Variants in HPSE2 observed in about 807,000 individuals in gnomAD.
HPSE2 encodes the protein heparanase 2 (inactive).
In HPSE2, 38 loss-of-function variants were observed where a neutral mutation model predicts 60.5. The ratio of observed to expected loss-of-function variants is 0.63; its 90% confidence interval spans 0.48 to 0.82. The LOEUF (loss-of-function observed/expected upper bound fraction) is 0.82, where lower values mean the gene tolerates loss of function less well. Among genes scored for constraint, HPSE2 ranks in the 40% least tolerant of loss-of-function variants. The pLI is 0.00. For synonymous variants in HPSE2, 295 were observed against 293.2 expected (o/e 1.01, Z -0.06); for missense variants, 713 against 740.4 (o/e 0.96, Z 0.43).
At chr10:99,063,815 G>A (rs997214558) in intron 3 of HPSE2, among the ~76,000 whole-genome samples, 12 of 152,098 alleles carry the variant, frequency 7.9e-5, no homozygotes, top group East Asian at 5.8e-4. Flanking sequence ...CTGGAAGGCC[G>A]GGCGCAGTGG....
chr10:99,013,029 A>C, intron 3 of HPSE2: 1 of 431,852 alleles, frequency 2.3e-6, no homozygotes, highest in Middle Eastern at 7.0e-4. Context: ...CTAAATCTTT[A>C]ATTGCTGCAG....
intron 9 of HPSE2, among the ~76,000 whole-genome samples, chr10:98,600,475 C>G (rs188803567): frequency 5.9e-5 from 9 of 152,208 alleles, no homozygotes; most frequent in African/African-American, 1.9e-4. Context: ...CTCAGTTCCT[C>G]TTTCACTCAT....
intron 3 of HPSE2, among the ~76,000 whole-genome samples, chr10:98,865,476 T>G (rs1952565319): frequency 6.6e-6 from 1 of 152,062 alleles, no homozygotes. Context: ...TTTTCTGCAT[T>G]GAGAGAGTTT....
chr10:99,195,374 C>T (rs77232158), intron 2 of HPSE2, among the ~76,000 whole-genome samples: 3,321 of 149,962 alleles, frequency 0.022, 113 homozygotes, highest in East Asian at 0.16. Context: ...AGCAATAAGA[C>T]GAGAAAAAAA....
intron 9 of HPSE2, among the ~76,000 whole-genome samples, chr10:98,522,619 C>T (rs1206738664): frequency 6.6e-6 from 1 of 152,114 alleles, no homozygotes; most frequent in Non-Finnish European, 1.5e-5. Flanking sequence ...GGATTACAGG[C>T]GCCCACCACA....
intron 9 of HPSE2, among the ~76,000 whole-genome samples, chr10:98,608,276 T>C (rs764325556): frequency 6.6e-6 from 1 of 152,162 alleles, no homozygotes; most frequent in Non-Finnish European, 1.5e-5. Context: ...CTCATGTAAC[T>C]AGAAAATTGT....
At chr10:98,747,613 T>G (rs1457511419) in intron 3 of HPSE2, among the ~76,000 whole-genome samples, 28 of 152,208 alleles carry the variant, frequency 1.8e-4, no homozygotes, top group Admixed American at 1.8e-3. Context: ...TGGGAAATAC[T>G]TCTTTAAGAA....
rs1417219257 is a variant in HPSE2 at position 98,661,820 on chromosome 10, A to C, written c.1005-19880T>G. ...TCCAAGAGAACTCAATTTAAGTCTA[A>C]ACTCTTACACTATGCAGCTGTGTGG... On this transcript the variant is annotated intron_variant, in intron 6 of 11. Coordinates refer to ENST00000370552, the MANE Select transcript of HPSE2 (RefSeq NM_021828.5). 7.2e-5 allele frequency among the ~76,000 whole-genome samples: 11 copies of C among 152,322 alleles called. No individual in the cohort carries two copies. The East Asian group carries it at 1.5e-3, about 21-fold the overall frequency.
intron 6 of HPSE2, among the ~76,000 whole-genome samples, chr10:98,679,248 C>T (rs1242490620): frequency 6.6e-6 from 1 of 152,196 alleles, no homozygotes; most frequent in East Asian, 1.9e-4. Context: ...TCTACATCAG[C>T]AGTTCTCCAG....
At chr10:98,616,888 C>T (rs778052120) in intron 8 of HPSE2, among the ~76,000 whole-genome samples, 3 of 152,168 alleles carry the variant, frequency 2.0e-5, no homozygotes, top group Non-Finnish European at 4.4e-5. Flanking sequence ...ACAGGTTTAG[C>T]TTTTCCTTTA....
At chr10:98,851,085 T>C (rs1388099216) in intron 3 of HPSE2, among the ~76,000 whole-genome samples, 1 of 152,218 alleles carries the variant, frequency 6.6e-6, no homozygotes, top group Non-Finnish European at 1.5e-5. Flanking sequence ...TTTTTGAGAT[T>C]ATTCCACATA....
intron 3 of HPSE2, among the ~76,000 whole-genome samples, chr10:99,073,067 C>A (rs2135552694): frequency 6.6e-6 from 1 of 151,572 alleles, no homozygotes; most frequent in Admixed American, 6.6e-5. Flanking sequence ...GACGATGTGG[C>A]AATTCCTCAA....
At chr10:98,530,344 T>G (rs955014388) in intron 9 of HPSE2, among the ~76,000 whole-genome samples, 3 of 152,192 alleles carry the variant, frequency 2.0e-5, no homozygotes, top group East Asian at 3.9e-4. Context: ...CCAGAGGGCT[T>G]GTTAAAACCA....
At chr10:98,975,435 C>T (rs565800766) in intron 3 of HPSE2, among the ~76,000 whole-genome samples, 1 of 151,620 alleles carries the variant, frequency 6.6e-6, no homozygotes, top group Admixed American at 6.6e-5. Context: ...TTAAAGTATC[C>T]ATTATATGGA....
chr10:98,853,217 C>T (rs555592750), intron 3 of HPSE2, among the ~76,000 whole-genome samples: 1 of 152,284 alleles, frequency 6.6e-6, no homozygotes, highest in East Asian at 1.9e-4. Flanking sequence ...AGTACAACTT[C>T]CACTAAAAAT....
chr10:99,172,816 T>C (rs373431607), intron 2 of HPSE2, among the ~76,000 whole-genome samples: 22 of 152,048 alleles, frequency 1.4e-4, no homozygotes, highest in African/African-American at 5.1e-4. Flanking sequence ...AGGCGGAGGT[T>C]ACAGTGAGCC....
In HPSE2 at chr10:99,054,707, T is replaced by G. The variant is rs544583217; in HGVS notation, c.610+89531A>C. Among the ~76,000 whole-genome samples, 3 of 152,298 alleles carry G rather than the reference T, an allele frequency of 2.0e-5. No homozygotes were observed. In the South Asian group the frequency reaches 6.2e-4, roughly 32 times the overall value. ...CAACTACTCTACAATATTTATTGTT[T>G]TTTGTTTGTTTGTTCGTTTTTGAGA... On this transcript the variant is annotated intron_variant, in intron 3 of 11. Coordinates refer to ENST00000370552, the MANE Select transcript of HPSE2 (RefSeq NM_021828.5).
At chr10:99,130,431 T>C (rs1450361708) in intron 3 of HPSE2, among the ~76,000 whole-genome samples, 2 of 152,170 alleles carry the variant, frequency 1.3e-5, no homozygotes, top group African/African-American at 4.8e-5. Flanking sequence ...TAATACACTA[T>C]GATCAAGTGG....
rs547959419 is a variant in HPSE2 at position 98,937,798 on chromosome 10, T to G, written c.611-193742A>C. Among the ~76,000 whole-genome samples the G allele has an allele frequency of 1.4e-4, 20 of 142,738 alleles. 4 individuals carry two copies. Among genetic ancestry groups the G allele is most frequent in the African/African-American group, 5.5e-4 (19 of 34,826 alleles). 93.6% of individuals were successfully genotyped at this position (142,738 alleles called of 152,430 possible). A position where few individuals can be genotyped will look rare whatever the true frequency, so the allele number is the denominator to read the frequency against. On this transcript the variant is annotated intron_variant, in intron 3 of 11. Coordinates refer to ENST00000370552, the MANE Select transcript of HPSE2 (RefSeq NM_021828.5). ...CAGACTGCCTCCTCAAGTGGGTCCC[T>G]GACCCCTGACCCCCAAGCAGCCTAA...
Sources: allele counts gnomAD v4.1 joint callset (sites outside exome capture counted in the v4.1 genomes callset), GRCh38; gene constraint gnomAD v4.1.1; transcripts MANE v1.5; gene names NCBI Gene and HGNC (gene_info 2026-07-23, HGNC 2026-07-21).